Variants in IMMP2L observed in about 807,000 individuals in gnomAD.
IMMP2L encodes the protein inner mitochondrial membrane peptidase subunit 2.
A neutral mutation model predicts 19.3 loss-of-function variants in IMMP2L; 18 were observed. The observed-to-expected ratio is 0.93, with a 90% CI of 0.64 to 1.38. IMMP2L has a LOEUF of 1.38. IMMP2L is among the 40% of genes most tolerant of loss of function. The pLI, the probability that IMMP2L is intolerant of heterozygous loss-of-function variation, is 0.00. For missense variants in IMMP2L, 233 were observed against 218.2 expected (o/e 1.07, Z -0.43); for synonymous variants, 76 against 73.0 (o/e 1.04, Z -0.21).
intron 3 of IMMP2L, among the ~76,000 whole-genome samples, chr7:111,179,158 CT>C: frequency 6.6e-6 from 1 of 151,874 alleles, no homozygotes; most frequent in Non-Finnish European, 1.5e-5. Context: ...CTTCAGAGCT[CT>C]TAGATGACCA....
At chr7:111,407,042 A>G (rs1833958097) in intron 3 of IMMP2L, among the ~76,000 whole-genome samples, 1 of 152,070 alleles carries the variant, frequency 6.6e-6, no homozygotes, top group Non-Finnish European at 1.5e-5. Context: ...TTGGGGTGTA[A>G]CCTTGAGTAA....
At chr7:111,486,185 G>T (rs1420503023) in intron 3 of IMMP2L, among the ~76,000 whole-genome samples, 4 of 152,112 alleles carry the variant, frequency 2.6e-5, no homozygotes, top group Non-Finnish European at 4.4e-5. Context: ...AACTCCACTT[G>T]AATTTATTTC....
chr7:111,098,163 C>T (rs1011092425), intron 3 of IMMP2L, among the ~76,000 whole-genome samples: 5 of 151,838 alleles, frequency 3.3e-5, no homozygotes, highest in Non-Finnish European at 5.9e-5. Flanking sequence ...AAGATATAAA[C>T]ATCATCCAAG....
chr7:110,885,663 AT>A lies in IMMP2L; in HGVS notation c.408+929del, dbSNP rs144143611. ...ACATTCTACTTATAACGGGTGACAG[AT>A]TTATGCCACTCCAAAATATGCCACT... On this transcript the variant is annotated intron_variant, in intron 5 of 5. Coordinates refer to ENST00000405709, the MANE Select transcript of IMMP2L (RefSeq NM_032549.4). 3.1e-3 allele frequency among the ~76,000 whole-genome samples: 474 copies of A among 152,114 alleles called. 2 individuals carry two copies. The highest frequency in any genetic ancestry group is 0.011 in the African/African-American group (462 of 41,548).
At chr7:110,931,861 T>C (rs1815528085) in intron 4 of IMMP2L, among the ~76,000 whole-genome samples, 1 of 152,208 alleles carries the variant, frequency 6.6e-6, no homozygotes, top group Non-Finnish European at 1.5e-5. Flanking sequence ...GACCCCTTTT[T>C]CCCTTACTCA....
At chr7:110,688,743 T>C (rs1287183736) in intron 5 of IMMP2L, among the ~76,000 whole-genome samples, 1 of 152,048 alleles carries the variant, frequency 6.6e-6, no homozygotes, top group Non-Finnish European at 1.5e-5. Context: ...ATATAGTATA[T>C]TAAATGTAAG....
intron 2 of IMMP2L, among the ~76,000 whole-genome samples, chr7:111,490,398 A>G (rs923989996): frequency 3.3e-5 from 5 of 151,300 alleles, no homozygotes; most frequent in Non-Finnish European, 7.4e-5. Context: ...GATTACAGGT[A>G]GGAGCCACCA....
chr7:110,952,553 T>A (rs569817520), intron 4 of IMMP2L, among the ~76,000 whole-genome samples: 1 of 152,074 alleles, frequency 6.6e-6, no homozygotes, highest in African/African-American at 2.4e-5. Context: ...ATGGTAGAAC[T>A]AAGGAGTAAT....
At chr7:111,036,661 AATTTTATTG>A (rs1791388227) in intron 3 of IMMP2L, among the ~76,000 whole-genome samples, 1 of 152,116 alleles carries the variant, frequency 6.6e-6, no homozygotes, top group African/African-American at 2.4e-5. Context: ...AGCAAACTGG[AATTTTATTG>A]ATGTTACACA....
intron 5 of IMMP2L, among the ~76,000 whole-genome samples, chr7:110,885,378 T>C (rs933993445): frequency 6.6e-6 from 1 of 151,922 alleles, no homozygotes; most frequent in Non-Finnish European, 1.5e-5. Context: ...AAAGTATAGA[T>C]ATGTCTGCCT....
rs141242158 is a variant in IMMP2L, at chr7:111,499,572, C to T, written c.136-12231G>A. On this transcript the variant is annotated intron_variant, in intron 2 of 5. Transcript: ENST00000405709. ...AATTATCTGTTCCCCAAACACCAAACATATAATGGAAAGACAGAAAGAAGA... is the reference window on the plus strand; with the variant it reads ...AATTATCTGTTCCCCAAACACCAAATATATAATGGAAAGACAGAAAGAAGA... Among the ~76,000 whole-genome samples the T allele has an allele frequency of 9.9e-5, 15 of 152,130 alleles. No individual in the cohort carries two copies. The East Asian group carries it at 2.9e-3, about 29-fold the overall frequency.
chr7:111,154,849 C>T (rs1038299734), intron 3 of IMMP2L, among the ~76,000 whole-genome samples: 1 of 152,064 alleles, frequency 6.6e-6, no homozygotes, highest in East Asian at 1.9e-4. Flanking sequence ...CCTTGACTTC[C>T]CAGGTTGAAG....
intron 3 of IMMP2L, among the ~76,000 whole-genome samples, chr7:111,102,142 A>AT (rs1293825308): frequency 6.6e-6 from 1 of 151,514 alleles, no homozygotes. Context: ...GATTTTACAG[A>AT]TTTTAGGTCA....
chr7:110,947,547 C>T (rs117238178), intron 4 of IMMP2L, among the ~76,000 whole-genome samples: 12 of 152,270 alleles, frequency 7.9e-5, no homozygotes, highest in Non-Finnish European at 1.8e-4. Context: ...TCATTGGTCT[C>T]CTCAAAAGCA....
intron 3 of IMMP2L, among the ~76,000 whole-genome samples, chr7:111,340,814 G>A (rs1354863413): frequency 1.3e-5 from 2 of 152,200 alleles, no homozygotes; most frequent in East Asian, 3.9e-4. Context: ...AATGGTCAGT[G>A]AAAGAAGTCA....
At chr7:110,696,616 G>T (rs1291648837) in intron 5 of IMMP2L, among the ~76,000 whole-genome samples, 4 of 151,718 alleles carry the variant, frequency 2.6e-5, no homozygotes, top group East Asian at 1.9e-4. Flanking sequence ...TAGTAGAGAC[G>T]GGTTTCACCA....
At chr7:111,531,883 T>C (rs1224821386) in intron 1 of IMMP2L, among the ~76,000 whole-genome samples, 2 of 152,114 alleles carry the variant, frequency 1.3e-5, no homozygotes, top group Non-Finnish European at 2.9e-5. Context: ...AAGGATATAT[T>C]ACCAGCATCA....
At chr7:110,876,552 A>T (rs1329775485) in intron 5 of IMMP2L, among the ~76,000 whole-genome samples, 1 of 152,120 alleles carries the variant, frequency 6.6e-6, no homozygotes, top group Non-Finnish European at 1.5e-5. Context: ...GCATGAAGTT[A>T]GTTCAGTATT....
intron 3 of IMMP2L, among the ~76,000 whole-genome samples, chr7:111,217,126 T>TCTCTCTCACACACACACACA (rs1472700586): frequency 8.1e-6 from 1 of 124,072 alleles, no homozygotes; most frequent in African/African-American, 3.1e-5. Flanking sequence ...TCTCTCTCTC[T>TCTCTCTCACACACACACACA]CACACACACA....
Sources: allele counts gnomAD v4.1 joint callset (sites outside exome capture counted in the v4.1 genomes callset), GRCh38; gene constraint gnomAD v4.1.1; transcripts MANE v1.5; gene names NCBI Gene and HGNC (gene_info 2026-07-23, HGNC 2026-07-21).